RDH13: variants seen among roughly 807,000 people sequenced by gnomAD.
RDH13 encodes retinol dehydrogenase 13 (all-trans and 9-cis).
Under a neutral mutation model 28.3 loss-of-function variants are expected in RDH13, and 35 were observed. The observed-to-expected ratio is 1.24, with a 90% CI of 0.95 to 1.64. The LOEUF (loss-of-function observed/expected upper bound fraction) is 1.64, where lower values mean the gene tolerates loss of function less well. RDH13 is among the 40% of genes most tolerant of loss of function. The pLI is 0.00. For missense variants in RDH13, 514 were observed against 446.3 expected, an observed-to-expected ratio of 1.15 and a Z score of -1.37; for synonymous variants, 229 against 198.5, an observed-to-expected ratio of 1.15 and a Z score of -1.29.
rs757484287 is a variant in RDH13, at chr19:55,059,231, G to C, written c.110C>G (p.Pro37Arg). 2 of 1,605,552 alleles carry C rather than the reference G, an allele frequency of 1.2e-6. No homozygotes were observed. The highest frequency in any genetic ancestry group is 1.1e-5 in the South Asian group (1 of 89,186). ...GGACPSKATIPGKTVIVTGAN... is the reference protein window; with the variant it reads ...GGACPSKATIRGKTVIVTGAN... ...ACCCGTCACGATGACCGTCTTCCCA[G>C]GGATGGTGGCCTTGCTGGGGCAAGC... Residue 37 changes from proline to arginine, a missense_variant, in exon 2 of 7, where the codon CCT becomes CGT. Coordinates refer to ENST00000415061, the MANE Select transcript of RDH13 (RefSeq NM_001145971.2).
At chr19:55,065,754 G>A (rs575786003), upstream of RDH13, among the ~76,000 whole-genome samples, 30 of 151,844 alleles carry the variant, frequency 2.0e-4, 1 homozygote, top group African/African-American at 6.3e-4. Flanking sequence ...GTCTCTCTCC[G>A]ATGCCCAGGC....
intron 1 of RDH13, among the ~76,000 whole-genome samples, chr19:55,062,605 A>AG (rs1175705953): frequency 2.2e-4 from 33 of 151,742 alleles, no homozygotes; most frequent in Non-Finnish European, 2.2e-4. Flanking sequence ...ACCTGAGCCC[A>AG]GGAGGTCAAG....
At chr19:55,066,956 A>T (rs1177304611), upstream of RDH13, among the ~76,000 whole-genome samples, 1 of 152,178 alleles carries the variant, frequency 6.6e-6, no homozygotes, top group South Asian at 2.1e-4. Context: ...GGGCACACAG[A>T]TAAGCTGCCT....
chr19:55,058,863 TAG>T (rs1234721847), intron 2 of RDH13, among the ~76,000 whole-genome samples: 1 of 152,148 alleles, frequency 6.6e-6, no homozygotes, highest in Non-Finnish European at 1.5e-5. Context: ...GTATTTTTAG[TAG>T]AGAGGGGGTT....
upstream of RDH13, among the ~76,000 whole-genome samples, chr19:55,066,367 C>T (rs1479919079): frequency 6.6e-6 from 1 of 152,110 alleles, no homozygotes. Context: ...CACATTCTGT[C>T]TCTCCTTTCT....
chr19:55,047,160 G>C (rs369960332), intron 6 of RDH13: 1 of 1,398,870 alleles, frequency 7.1e-7, no homozygotes, highest in African/African-American at 1.5e-5. Context: ...TCTGAGACAC[G>C]GTTTTCTCAT....
In RDH13 at chr19:55,045,132, CT is replaced by C. The variant is rs2075167687; in HGVS notation, c.937del (p.Ser313ValfsTer7). 1.9e-6 allele frequency: 3 copies of C among 1,613,482 alleles called. No homozygotes were observed. In the South Asian group the frequency reaches 3.3e-5, roughly 18 times the overall value. The stretch of plus-strand genomic sequence containing the variant: ...AGCCTCTAAGCCCACCAGGCGGGCA[CT>C]TTCAGCCCAAAGCCTCCGGGCCACC... ...EEVARRLWAE[S>X]ARLVGLEAPS... On this transcript the variant is annotated frameshift_variant, in exon 7 of 7. Transcript: ENST00000415061. LOFTEE classifies it high-confidence loss of function.
At position 55,047,354 on chromosome 19, in the gene RDH13, C is replaced by T. The variant is rs144282928; in HGVS notation, c.760+33G>A. The T allele has an allele frequency of 2.4e-5, 39 of 1,602,160 alleles. No individual in the cohort carries two copies. The African/African-American group carries it at 4.5e-4, about 19-fold the overall frequency. Reference sequence around the variant, plus strand: ...CTGAGAAAGCAGGGGTGGAGGGCTCCACGTGGAGACCCCAGGCTGGGAGGG... The same window carrying T: ...CTGAGAAAGCAGGGGTGGAGGGCTCTACGTGGAGACCCCAGGCTGGGAGGG... On this transcript the variant is annotated intron_variant, in intron 6 of 6. Coordinates refer to ENST00000415061, the MANE Select transcript of RDH13 (RefSeq NM_001145971.2).
intron 1 of RDH13, among the ~76,000 whole-genome samples, chr19:55,069,067 C>T (rs1408380729): frequency 6.7e-6 from 1 of 148,286 alleles, no homozygotes; most frequent in African/African-American, 2.5e-5. Flanking sequence ...GTCCTATCCC[C>T]GTCACCACCC....
chr19:55,055,283 G>A (rs2075594585), intron 3 of RDH13, among the ~76,000 whole-genome samples: 1 of 151,964 alleles, frequency 6.6e-6, no homozygotes, highest in Non-Finnish European at 1.5e-5. Flanking sequence ...ACCCTGAGTA[G>A]CTGAGATTAC....
chr19:55,047,143 C>T, intron 6 of RDH13: 2 of 1,403,462 alleles, frequency 1.4e-6, no homozygotes, highest in Non-Finnish European at 1.9e-6. Flanking sequence ...GCTCCACGGC[C>T]TCTTCCTCTG....
At chr19:55,039,161 C>T (rs1187416402) in exon 3 of RDH13, 1 of 152,142 alleles carries the variant, frequency 6.6e-6, no homozygotes, top group African/African-American at 2.4e-5. Context: ...TGAAACCACC[C>T]ACATGTCCAT....
At chr19:55,057,863 G>C (rs1291559665) in intron 2 of RDH13, among the ~76,000 whole-genome samples, 2 of 146,572 alleles carry the variant, frequency 1.4e-5, no homozygotes, top group Non-Finnish European at 3.0e-5. Flanking sequence ...CTGGAGTGCT[G>C]GCGCCATCAC....
At position 55,044,949 on chromosome 19, in the gene RDH13, C is replaced by T. The variant is rs1230505281; in HGVS notation, c.*125G>A. On this transcript the variant is annotated 3_prime_UTR_variant, in exon 7 of 7. Coordinates refer to ENST00000415061, the MANE Select transcript of RDH13 (RefSeq NM_001145971.2). ...GGCCAGCACCGCCCCCTAGAACCTA[C>T]TGCGGGCATGGCGGCCGCCAGTCCT... 1.4e-6 allele frequency: 1 copy of T among 697,906 alleles called. No individual in the cohort carries two copies. The allele number at this position is 697,906 out of a possible 1,614,324, so 43.2% of individuals were successfully genotyped here.
chr19:55,066,818 C>T (rs561534775), upstream of RDH13, among the ~76,000 whole-genome samples: 4 of 151,866 alleles, frequency 2.6e-5, no homozygotes, highest in East Asian at 1.9e-4. Flanking sequence ...GTAAGTTTAG[C>T]GACCCTGTGG....
intron 3 of RDH13, among the ~76,000 whole-genome samples, chr19:55,051,628 C>A (rs1231122988): frequency 6.6e-6 from 1 of 151,834 alleles, no homozygotes; most frequent in Admixed American, 6.6e-5. Flanking sequence ...CGGGGTTTCA[C>A]CATCTTGGTC....
chr19:55,050,448 G>C (rs1247229896), intron 3 of RDH13, among the ~76,000 whole-genome samples: 2 of 151,964 alleles, frequency 1.3e-5, no homozygotes, highest in South Asian at 2.1e-4. Context: ...CTTTGAGACA[G>C]GGTCTCCCTC....
chr19:55,058,685 C>CTTTGT (rs141049443), intron 2 of RDH13, among the ~76,000 whole-genome samples: 3 of 150,340 alleles, frequency 2.0e-5, no homozygotes, highest in South Asian at 2.1e-4. Flanking sequence ...TTTTGTTTTG[C>CTTTGT]TTTGTTTTGT....
At position 55,056,816 on chromosome 19, in the gene RDH13, C is replaced by G. The variant is rs1263057191; in HGVS notation, c.185-8G>C. The G allele has an allele frequency of 6.2e-7, 1 of 1,611,676 alleles. No homozygotes were observed. Among genetic ancestry groups the G allele is most frequent in the Admixed American group, 1.7e-5 (1 of 59,720 alleles). ...CCAGGATGATGTTGCCTCCTGAAAA[C>G]CCAGGATGGAAAAAGATTTAAATTA... On this transcript the variant is annotated splice_polypyrimidine_tract_variant and splice_region_variant and intron_variant, in intron 2 of 6. Transcript: ENST00000415061.
Sources: gnomAD v4.1 joint callset for allele counts (sites outside exome capture counted in the v4.1 genomes callset) on GRCh38, gnomAD v4.1.1 for gene constraint, MANE v1.5 for transcripts, NCBI Gene and HGNC (gene_info 2026-07-23, HGNC 2026-07-21) for gene names.